Variants in ZBTB20 observed in about 807,000 individuals in gnomAD.
The protein encoded by ZBTB20 is zinc finger and BTB domain-containing protein 20.
In ZBTB20, 9 loss-of-function variants were observed where a neutral mutation model predicts 56.9. The observed-to-expected ratio is 0.16, with a 90% CI of 0.10 to 0.28. ZBTB20 has a LOEUF of 0.28. Among genes scored for constraint, ZBTB20 ranks in the 10% least tolerant of loss-of-function variants. ZBTB20 has a pLI of 1.00. For synonymous variants in ZBTB20, 417 were observed against 420.7 expected, an observed-to-expected ratio of 0.99 and a Z score of 0.11; for missense variants, 655 against 1,003.0, an observed-to-expected ratio of 0.65 and a Z score of 4.69.
At chr3:114,442,377 T>C (rs1391441791) in intron 7 of ZBTB20, among the ~76,000 whole-genome samples, 2 of 152,178 alleles carry the variant, frequency 1.3e-5, no homozygotes, top group Non-Finnish European at 2.9e-5. Flanking sequence ...CAGATGCTAC[T>C]GTCTCTCTAG....
chr3:114,671,163 G>C (rs1183035516), intron 6 of ZBTB20, among the ~76,000 whole-genome samples: 1 of 152,014 alleles, frequency 6.6e-6, no homozygotes, highest in Non-Finnish European at 1.5e-5. Flanking sequence ...TAAAGACTAC[G>C]CATTTAAAGT....
chr3:114,568,124 C>T (rs940478092), intron 6 of ZBTB20, among the ~76,000 whole-genome samples: 4 of 152,244 alleles, frequency 2.6e-5, no homozygotes, highest in African/African-American at 9.6e-5. Context: ...GCTTTCTCTT[C>T]GCTGCCTTTC....
chr3:114,568,125 G>A (rs1339100779), intron 6 of ZBTB20, among the ~76,000 whole-genome samples: 1 of 152,120 alleles, frequency 6.6e-6, no homozygotes, highest in Non-Finnish European at 1.5e-5. Flanking sequence ...CTTTCTCTTC[G>A]CTGCCTTTCT....
chr3:115,025,044 G>A (rs2080363204), intron 2 of ZBTB20, among the ~76,000 whole-genome samples: 1 of 151,042 alleles, frequency 6.6e-6, no homozygotes, highest in African/African-American at 2.4e-5. Context: ...TCATCAACCA[G>A]GTATTAAGCC....
intron 7 of ZBTB20, among the ~76,000 whole-genome samples, chr3:114,465,688 CAGAG>C (rs2092518573): frequency 6.7e-6 from 1 of 149,424 alleles, no homozygotes; most frequent in Non-Finnish European, 1.5e-5. Flanking sequence ...GCCTGAGTGA[CAGAG>C]TGAGATTCTG....
At chr3:114,881,150 G>C (rs1182139913) in intron 4 of ZBTB20, among the ~76,000 whole-genome samples, 1 of 151,978 alleles carries the variant, frequency 6.6e-6, no homozygotes, top group East Asian at 1.9e-4. Context: ...TGTTAAACTG[G>C]TCAATGTTCT....
At chr3:115,106,596 A>G (rs2083731198) in intron 1 of ZBTB20, among the ~76,000 whole-genome samples, 1 of 152,184 alleles carries the variant, frequency 6.6e-6, no homozygotes, top group Non-Finnish European at 1.5e-5. Context: ...GGGCCCAAGG[A>G]CAATAGTAGG....
intron 2 of ZBTB20, among the ~76,000 whole-genome samples, chr3:115,065,606 G>A (rs1159127523): frequency 1.3e-5 from 2 of 152,156 alleles, no homozygotes; most frequent in Non-Finnish European, 2.9e-5. Context: ...TTAACTGGAA[G>A]TCTGCTGTTA....
At chr3:114,479,838 A>C (rs2041327298) in intron 7 of ZBTB20, among the ~76,000 whole-genome samples, 1 of 152,260 alleles carries the variant, frequency 6.6e-6, no homozygotes, top group Non-Finnish European at 1.5e-5. Context: ...ACACCATCAC[A>C]GAGCAGTACT....
At chr3:114,951,175 C>A (rs146919075) in intron 3 of ZBTB20, among the ~76,000 whole-genome samples, 1 of 152,114 alleles carries the variant, frequency 6.6e-6, no homozygotes, top group African/African-American at 2.4e-5. Flanking sequence ...TGTTTTCCTG[C>A]ACTAAAATAT....
intron 7 of ZBTB20, among the ~76,000 whole-genome samples, chr3:114,440,227 A>G (rs1426597565): frequency 1.3e-5 from 2 of 152,162 alleles, no homozygotes; most frequent in African/African-American, 2.4e-5. Flanking sequence ...TGTGTGCACA[A>G]TCAGCCTTAG....
intron 4 of ZBTB20, among the ~76,000 whole-genome samples, chr3:114,835,308 G>A (rs1488544275): frequency 6.6e-6 from 1 of 152,058 alleles, no homozygotes; most frequent in Non-Finnish European, 1.5e-5. Context: ...CTCCCAGGAA[G>A]AGCTTTTATA....
Position 115,066,151 on chromosome 3 carries a change from G to A in ZBTB20, c.-507+5068C>T, listed in dbSNP as rs79679441. Among the ~76,000 whole-genome samples the A allele has an allele frequency of 5.1e-3, 778 of 152,136 alleles. 7 individuals are homozygous for A. The highest frequency in any genetic ancestry group is 0.017 in the African/African-American group (701 of 41,512). ...CAGAATCACATCATATTTTCTCAAA[G>A]CAAGGTAAATCTGTGTTTGAAATTC... On this transcript the variant is annotated intron_variant, in intron 2 of 11. Transcript: ENST00000675478.
intron 3 of ZBTB20, among the ~76,000 whole-genome samples, chr3:114,901,265 C>CAAA (rs60746426): frequency 8.0e-6 from 1 of 125,252 alleles, no homozygotes. Flanking sequence ...GGCTCCATCT[C>CAAA]AAAAAAAAAA....
At chr3:114,540,968 G>A (rs541012749) in intron 6 of ZBTB20, among the ~76,000 whole-genome samples, 1 of 151,916 alleles carries the variant, frequency 6.6e-6, no homozygotes, top group Admixed American at 6.6e-5. Context: ...GAGAAATACT[G>A]AACCCTAGGA....
intron 7 of ZBTB20, among the ~76,000 whole-genome samples, chr3:114,406,742 T>C (rs1345704178): frequency 6.6e-6 from 1 of 152,126 alleles, no homozygotes; most frequent in Non-Finnish European, 1.5e-5. Flanking sequence ...GAGTCACTAC[T>C]ACAAAACAAT....
intron 7 of ZBTB20, among the ~76,000 whole-genome samples, chr3:114,395,415 T>C (rs1254501870): frequency 8.5e-5 from 13 of 152,164 alleles, no homozygotes. Context: ...AGGTTGGTTT[T>C]ATGATTTTTA....
intron 11 of ZBTB20, among the ~76,000 whole-genome samples, chr3:114,347,053 A>G (rs1468209812): frequency 3.5e-5 from 5 of 143,814 alleles, no homozygotes; most frequent in Admixed American, 1.4e-4. Context: ...TTGGAATATG[A>G]ATCTTATAAT....
chr3:114,925,578 G>C (rs1276625728), intron 3 of ZBTB20, among the ~76,000 whole-genome samples: 5 of 152,068 alleles, frequency 3.3e-5, no homozygotes, highest in African/African-American at 1.2e-4. Context: ...CCAGGCTGGA[G>C]TGCAGTGGCA....
Sources: allele counts gnomAD v4.1 joint callset (sites outside exome capture counted in the v4.1 genomes callset), GRCh38; gene constraint gnomAD v4.1.1; transcripts MANE v1.5; gene names NCBI Gene and HGNC (gene_info 2026-07-23, HGNC 2026-07-21).